Variants in B3GALT1 observed in about 807,000 individuals in gnomAD.
The protein encoded by B3GALT1 is UDP-Gal:betaGlcNAc beta 1,3-galactosyltransferase, polypeptide 1.
B3GALT1 carries 10 observed loss-of-function variants against 23.2 expected under a neutral mutation model. That is an observed-to-expected ratio of 0.43 (90% CI 0.27 to 0.73). The LOEUF (loss-of-function observed/expected upper bound fraction) is 0.73, where lower values mean the gene tolerates loss of function less well. B3GALT1 is among the 30% of genes least tolerant of loss of function. B3GALT1 has a pLI of 0.21. For missense variants in B3GALT1, 299 were observed against 405.4 expected, an observed-to-expected ratio of 0.74 and a Z score of 2.25; for synonymous variants, 156 against 141.5, an observed-to-expected ratio of 1.10 and a Z score of -0.73.
chr2:167,512,056 A>G (rs1700012465), intron 2 of B3GALT1, among the ~76,000 whole-genome samples: 2 of 152,150 alleles, frequency 1.3e-5, no homozygotes, highest in East Asian at 1.9e-4. Context: ...ATTTTCTTCA[A>G]AAGTACTATG....
intron 3 of B3GALT1, among the ~76,000 whole-genome samples, chr2:167,788,606 G>A (rs1365484354): frequency 1.3e-5 from 2 of 151,968 alleles, no homozygotes; most frequent in African/African-American, 2.4e-5. Context: ...GTGGTAATGC[G>A]AGCGATGAGG....
chr2:167,783,678 T>A (rs1427030256), intron 3 of B3GALT1, among the ~76,000 whole-genome samples: 1 of 152,136 alleles, frequency 6.6e-6, no homozygotes, highest in East Asian at 1.9e-4. Context: ...TGGGATCCTG[T>A]CCATATGGCT....
intron 3 of B3GALT1, among the ~76,000 whole-genome samples, chr2:167,777,330 A>T (rs974877399): frequency 1.3e-5 from 2 of 152,212 alleles, no homozygotes; most frequent in African/African-American, 2.4e-5. Flanking sequence ...TTTTCTTTTT[A>T]AAAAACTTCT....
At chr2:167,483,607 C>G (rs1699587561) in intron 1 of B3GALT1, among the ~76,000 whole-genome samples, 1 of 152,114 alleles carries the variant, frequency 6.6e-6, no homozygotes, top group South Asian at 2.1e-4. Flanking sequence ...GAAAAACTGG[C>G]TTTTTCCCCT....
At chr2:167,719,498 A>G (rs1687198910) in intron 3 of B3GALT1, among the ~76,000 whole-genome samples, 3 of 152,236 alleles carry the variant, frequency 2.0e-5, no homozygotes, top group Admixed American at 6.5e-5. Context: ...CATGTCTGTG[A>G]TTGCCATCTG....
intron 2 of B3GALT1, among the ~76,000 whole-genome samples, chr2:167,593,207 A>C (rs1187090660): frequency 1.3e-5 from 2 of 152,220 alleles, no homozygotes; most frequent in Non-Finnish European, 2.9e-5. Flanking sequence ...AAACAACTGA[A>C]ATACATATAA....
At chr2:167,647,602 A>G (rs149316040) in intron 3 of B3GALT1, among the ~76,000 whole-genome samples, 3 of 152,216 alleles carry the variant, frequency 2.0e-5, no homozygotes, top group African/African-American at 7.2e-5. Flanking sequence ...TCTGACCTGG[A>G]TTCTCTCTTT....
chr2:167,328,364 G>T (rs1163733716), intron 1 of B3GALT1, among the ~76,000 whole-genome samples: 4 of 152,056 alleles, frequency 2.6e-5, no homozygotes, highest in Non-Finnish European at 5.9e-5. Context: ...GTTTTTCTTT[G>T]TTGCAAGACT....
intron 2 of B3GALT1, among the ~76,000 whole-genome samples, chr2:167,537,904 A>G (rs1683456992): frequency 6.6e-6 from 1 of 150,654 alleles, no homozygotes; most frequent in African/African-American, 2.5e-5. Flanking sequence ...GCTCACTGCA[A>G]CTGCCCGCCT....
At chr2:167,423,056 T>G (rs1698572143) in intron 1 of B3GALT1, among the ~76,000 whole-genome samples, 4 of 151,980 alleles carry the variant, frequency 2.6e-5, no homozygotes, top group Admixed American at 2.6e-4. Flanking sequence ...AGGAGAAAAA[T>G]ACAGCATTTG....
chr2:167,567,377 T>G (rs916796911), intron 2 of B3GALT1, among the ~76,000 whole-genome samples: 3 of 152,178 alleles, frequency 2.0e-5, no homozygotes, highest in Non-Finnish European at 4.4e-5. Flanking sequence ...TTAGTTTTGA[T>G]AATCCAAGGC....
At chr2:167,834,964 G>A (rs1689427758) in intron 4 of B3GALT1, among the ~76,000 whole-genome samples, 1 of 152,124 alleles carries the variant, frequency 6.6e-6, no homozygotes. Context: ...CTTACATCTT[G>A]TCATTAATTT....
chr2:167,487,418 A>G lies in B3GALT1; in HGVS notation c.-510-2759A>G, dbSNP rs559404100. Among the ~76,000 whole-genome samples, 21 of 152,334 alleles carry G rather than the reference A, an allele frequency of 1.4e-4. No individual in the cohort carries two copies. In the East Asian group the frequency reaches 4.1e-3, roughly 29 times the overall value. ...TTATTGGCATGTTTCCTCTTAGAGT[A>G]TTCTTTAACAGATATTGGTTTCCTT... On this transcript the variant is annotated intron_variant, in intron 1 of 4. Transcript: ENST00000392690.
chr2:167,353,300 C>G (rs1697346510), intron 1 of B3GALT1, among the ~76,000 whole-genome samples: 1 of 152,034 alleles, frequency 6.6e-6, no homozygotes, highest in South Asian at 2.1e-4. Flanking sequence ...ATTTTAGGTA[C>G]AAAATTAACA....
In B3GALT1 at chr2:167,335,627, T is replaced by C. The variant is rs890950619; in HGVS notation, c.-511+42293T>C. Among the ~76,000 whole-genome samples, 7 of 152,308 alleles carry C rather than the reference T, an allele frequency of 4.6e-5. No homozygotes were observed. The South Asian group carries it at 1.5e-3, about 32-fold the overall frequency. The stretch of plus-strand genomic sequence containing the variant: ...GACCATATATGGTAACTTCCTGACA[T>C]TGCCTTGGCATTTGTAAACTGTCAT... On this transcript the variant is annotated intron_variant, in intron 1 of 4. Coordinates refer to ENST00000392690, the MANE Select transcript of B3GALT1 (RefSeq NM_020981.4).
At chr2:167,325,401 C>A (rs1696877342) in intron 1 of B3GALT1, among the ~76,000 whole-genome samples, 1 of 151,874 alleles carries the variant, frequency 6.6e-6, no homozygotes, top group Non-Finnish European at 1.5e-5. Flanking sequence ...CTGGAGGAGG[C>A]CTTTTCACAT....
intron 3 of B3GALT1, among the ~76,000 whole-genome samples, chr2:167,762,509 G>A (rs1687911680): frequency 6.6e-6 from 1 of 151,002 alleles, no homozygotes. Flanking sequence ...GATACCTTAG[G>A]AGTCTTAAGA....
At chr2:167,673,492 T>C (rs1321936883) in intron 3 of B3GALT1, among the ~76,000 whole-genome samples, 3 of 152,116 alleles carry the variant, frequency 2.0e-5, no homozygotes, top group Non-Finnish European at 4.4e-5. Flanking sequence ...AAGAAATTGC[T>C]GTTTATTAGA....
chr2:167,609,586 G>T (rs931858985), intron 2 of B3GALT1, among the ~76,000 whole-genome samples: 2 of 152,118 alleles, frequency 1.3e-5, no homozygotes, highest in African/African-American at 4.8e-5. Context: ...CATTGTTCAA[G>T]TCAGTAGGAG....
Sources: gnomAD v4.1 joint callset for allele counts (sites outside exome capture counted in the v4.1 genomes callset) on GRCh38, gnomAD v4.1.1 for gene constraint, MANE v1.5 for transcripts, NCBI Gene and HGNC (gene_info 2026-07-23, HGNC 2026-07-21) for gene names.